PIK3CB: variants seen among roughly 807,000 people sequenced by gnomAD.
PIK3CB encodes phosphatidylinositol 4,5-bisphosphate 3-kinase catalytic subunit beta isoform.
PIK3CB carries 39 observed loss-of-function variants against 136.8 expected under a neutral mutation model. The ratio of observed to expected loss-of-function variants is 0.29; its 90% CI spans 0.22 to 0.37. The LOEUF is 0.37. Ranked by LOEUF, PIK3CB falls within the 10% of genes least tolerant of loss-of-function variation. The pLI is 1.00. For missense variants in PIK3CB, 868 were observed against 1,275.4 expected, an observed-to-expected ratio of 0.68 and a Z score of 4.87; for synonymous variants, 428 against 436.6, an observed-to-expected ratio of 0.98 and a Z score of 0.25.
At chr3:138,750,006 T>C (rs1576385946) in intron 4 of PIK3CB, among the ~76,000 whole-genome samples, 1 of 152,222 alleles carries the variant, frequency 6.6e-6, no homozygotes, top group East Asian at 1.9e-4. Flanking sequence ...GCCTCTCAAG[T>C]AGCTGGGACT....
intron 2 of PIK3CB, among the ~76,000 whole-genome samples, chr3:138,790,415 C>T (rs1279481055): frequency 6.6e-6 from 1 of 150,562 alleles, no homozygotes; most frequent in Non-Finnish European, 1.5e-5. Context: ...GAGTTCGAGG[C>T]CAGCCTGAGA....
chr3:138,782,454 T>A (rs969323532), intron 2 of PIK3CB, among the ~76,000 whole-genome samples: 1 of 152,240 alleles, frequency 6.6e-6, no homozygotes, highest in South Asian at 2.1e-4. Context: ...TGAGTATAGA[T>A]CCCTTTTCTT....
intron 1 of PIK3CB, among the ~76,000 whole-genome samples, chr3:138,810,292 G>A (rs1026672033): frequency 1.3e-5 from 2 of 151,916 alleles, no homozygotes; most frequent in Admixed American, 6.6e-5. Context: ...GAACTATAAC[G>A]CCCCACTCTT....
At chr3:138,733,808 G>A (rs1180715617) in intron 7 of PIK3CB, among the ~76,000 whole-genome samples, 2 of 152,102 alleles carry the variant, frequency 1.3e-5, no homozygotes, top group African/African-American at 2.4e-5. Context: ...AACCCGGGAG[G>A]CGGAGCTTGC....
chr3:138,677,172 G>A (rs1341912906), intron 19 of PIK3CB, among the ~76,000 whole-genome samples: 1 of 150,938 alleles, frequency 6.6e-6, no homozygotes, highest in Non-Finnish European at 1.5e-5. Context: ...AGATTCTCCT[G>A]CCTCAGCCTC....
intron 1 of PIK3CB, among the ~76,000 whole-genome samples, chr3:138,833,187 C>A (rs1934118338): frequency 6.6e-6 from 1 of 151,666 alleles, no homozygotes; most frequent in African/African-American, 2.4e-5. Flanking sequence ...CTGCCTCAGC[C>A]TCCCAAGTAG....
Position 138,815,159 on chromosome 3 carries a change from AAAAATAT to A in PIK3CB, c.-121-18599_-121-18593del, listed in dbSNP as rs1399012614. Among the ~76,000 whole-genome samples the A allele has an allele frequency of 4.3e-5, 5 of 115,612 alleles. No individual in the cohort carries two copies. The East Asian group carries it at 1.0e-3, about 24-fold the overall frequency. The allele number at this position is 115,612 out of a possible 152,430, so 75.8% of individuals were successfully genotyped here. ...CGTCTCAAAAAAAAAAAAAAAAAAA[AAAAATAT>A]ATATATATATACATATATATATATA... On this transcript the variant is annotated intron_variant, in intron 1 of 23. Transcript: ENST00000674063.
At chr3:138,825,789 A>G in intron 1 of PIK3CB, 1 of 880,776 alleles carries the variant, frequency 1.1e-6, no homozygotes, top group Non-Finnish European at 1.9e-6. Flanking sequence ...CCTTTGCTCC[A>G]GTCAATGTTA....
At chr3:138,779,696 A>AT (rs3071142) in intron 2 of PIK3CB, among the ~76,000 whole-genome samples, 7,808 of 145,012 alleles carry the variant, frequency 0.054, 600 homozygotes, top group African/African-American at 0.17. Context: ...ACCTGGCCAA[A>AT]TTTTTTTTTT....
chr3:138,724,266 T>C (rs907543712), intron 8 of PIK3CB, among the ~76,000 whole-genome samples: 2 of 152,184 alleles, frequency 1.3e-5, no homozygotes, highest in Admixed American at 6.5e-5. Flanking sequence ...CCATTTATTA[T>C]AAAGGATATT....
At chr3:138,811,110 C>T (rs1933024857) in intron 1 of PIK3CB, among the ~76,000 whole-genome samples, 1 of 150,906 alleles carries the variant, frequency 6.6e-6, no homozygotes, top group African/African-American at 2.4e-5. Flanking sequence ...GCCTGTAATC[C>T]CAGTTACTCA....
At chr3:138,778,003 C>A in intron 2 of PIK3CB, 2 of 394,726 alleles carry the variant, frequency 5.1e-6, no homozygotes, top group South Asian at 4.0e-5. Flanking sequence ...GTGGCACAGT[C>A]AAGGCTGAGA....
At chr3:138,671,807 G>A (rs1023968991) in intron 19 of PIK3CB, among the ~76,000 whole-genome samples, 1 of 152,250 alleles carries the variant, frequency 6.6e-6, no homozygotes, top group East Asian at 1.9e-4. Flanking sequence ...TATTCCTGAC[G>A]CAAGTCCTGC....
chr3:138,750,175 G>C (rs565050264), intron 4 of PIK3CB, among the ~76,000 whole-genome samples: 1 of 152,006 alleles, frequency 6.6e-6, no homozygotes, highest in South Asian at 2.1e-4. Context: ...CCCCAAGCTC[G>C]GCCAATGTGA....
At chr3:138,665,251 A>G in intron 19 of PIK3CB, 48 bp from the exon 20 acceptor site, 1 of 1,368,372 alleles carries the variant, frequency 7.3e-7, no homozygotes, top group Non-Finnish European at 9.8e-7. Flanking sequence ...TTAAAATGAA[A>G]CATTAATTTG....
At chr3:138,736,003 T>C (rs1023887478) in intron 6 of PIK3CB, among the ~76,000 whole-genome samples, 8 of 152,304 alleles carry the variant, frequency 5.3e-5, no homozygotes, top group African/African-American at 1.9e-4. Context: ...TGTCTAACCC[T>C]GCACAAAAAC....
At chr3:138,730,656 C>G (rs2044951413) in intron 8 of PIK3CB, among the ~76,000 whole-genome samples, 1 of 152,124 alleles carries the variant, frequency 6.6e-6, no homozygotes, top group African/African-American at 2.4e-5. Context: ...GGCATGGTGG[C>G]TTGTGCCTGT....
intron 12 of PIK3CB, among the ~76,000 whole-genome samples, chr3:138,700,894 G>C (rs1280753935): frequency 6.6e-6 from 1 of 152,156 alleles, no homozygotes; most frequent in Non-Finnish European, 1.5e-5. Flanking sequence ...GTGGGTGACA[G>C]CTTGATCTGA....
At chr3:138,832,214 G>A (rs1333128944) in intron 1 of PIK3CB, among the ~76,000 whole-genome samples, 1 of 152,122 alleles carries the variant, frequency 6.6e-6, no homozygotes, top group Non-Finnish European at 1.5e-5. Context: ...GAGTCTTTAA[G>A]AACACCAAGA....
Sources: gnomAD v4.1 joint callset for allele counts (sites outside exome capture counted in the v4.1 genomes callset) on GRCh38, gnomAD v4.1.1 for gene constraint, MANE v1.5 for transcripts, NCBI Gene and HGNC (gene_info 2026-07-23, HGNC 2026-07-21) for gene names.